The following KNSTRN variants were observed in gnomAD, a reference collection of about 807,000 sequenced individuals.
KNSTRN encodes the protein kinetochore localized astrin (SPAG5) binding protein.
KNSTRN carries 38 observed loss-of-function variants against 44.7 expected under a neutral mutation model. That is an observed-to-expected ratio of 0.85 (90% CI 0.66 to 1.11). The LOEUF is 1.11. Ranked by LOEUF, KNSTRN falls within the 50% of genes most tolerant of loss-of-function variation. KNSTRN has a pLI of 0.00. For missense variants in KNSTRN, 406 were observed against 375.8 expected (o/e 1.08, Z -0.66); for synonymous variants, 158 against 148.1 (o/e 1.07, Z -0.48).
At position 40,391,561 on chromosome 15, in the gene KNSTRN, G is replaced by T. The variant is rs772977508; in HGVS notation, c.747+7G>T. On this transcript the variant is annotated splice_region_variant and intron_variant, in intron 7 of 8. Transcript: ENST00000249776. ...TGATCACATGGACTCTATGGTGAGG[G>T]CATGGGTGTGAAAGGGCGCAAGGGC... 2 of 1,612,126 alleles carry T rather than the reference G, an allele frequency of 1.2e-6. No homozygotes were observed. Among genetic ancestry groups the T allele is most frequent in the Admixed American group, 3.3e-5 (2 of 60,014 alleles).
intron 3 of KNSTRN, 52 bp from the exon 4 acceptor site, chr15:40,387,107 A>G (rs1195405993): frequency 7.4e-7 from 1 of 1,345,738 alleles, no homozygotes; most frequent in Non-Finnish European, 1.1e-6. Flanking sequence ...TTCACAGCAC[A>G]CTTAACAGTA....
intron 7 of KNSTRN, 167 bp from the exon 8 acceptor site, chr15:40,391,782 A>G (rs1890001614): frequency 4.5e-6 from 3 of 671,758 alleles, no homozygotes; most frequent in Non-Finnish European, 7.7e-6. Flanking sequence ...AAAACACATA[A>G]TAGGTAAACC....
chr15:40,391,524 A>G lies in KNSTRN; in HGVS notation c.717A>G (p.Gln239=), dbSNP rs778824644. 8.1e-6 allele frequency: 13 copies of G among 1,613,972 alleles called. No individual in the cohort carries two copies. Among genetic ancestry groups the G allele is most frequent in the East Asian group, 2.2e-5 (1 of 44,894 alleles). Reference sequence around the variant, plus strand: ...GCAGTGAGACCCTGGCATCACGACAAGAATCCACTACTGATCACATGGACT... The same window carrying G: ...GCAGTGAGACCCTGGCATCACGACAGGAATCCACTACTGATCACATGGACT... ...ALGSETLASR[Q]ESTTDHMDSM... The change falls in exon 7 of 9, where the codon CAA becomes CAG. Residue 239 remains glutamine (Q), a synonymous_variant. Coordinates refer to ENST00000249776, the MANE Select transcript of KNSTRN (RefSeq NM_033286.4).
chr15:40,391,822 C>A, intron 7 of KNSTRN, 127 bp from the exon 8 acceptor site: 1 of 779,516 alleles, frequency 1.3e-6, no homozygotes, highest in Non-Finnish European at 2.1e-6. Context: ...TTCTTCTGTT[C>A]TATACTTTAT....
rs138550141 is a variant in KNSTRN at position 40,392,858 on chromosome 15, G to A, written c.823-611G>A. Among the ~76,000 whole-genome samples, 114 of 152,156 alleles carry A rather than the reference G, an allele frequency of 7.5e-4. 1 individual carries two copies. The Middle Eastern group carries it at 0.01, about 14-fold the overall frequency. On this transcript the variant is annotated intron_variant, in intron 8 of 8. Coordinates refer to ENST00000249776, the MANE Select transcript of KNSTRN (RefSeq NM_033286.4). ...ACTCCTGACCTCAGGTGATCTGCCC[G>A]CCTAGGCTTCCCAAAGTGCTGAGAT...
chr15:40,391,425 G>C (rs746568247), intron 6 of KNSTRN, 68 bp from the exon 7 acceptor site: 1 of 1,240,178 alleles, frequency 8.1e-7, no homozygotes, highest in Non-Finnish European at 1.2e-6. Flanking sequence ...GTCCACGGAG[G>C]GTTTTTATTT....
Position 40,387,176 on chromosome 15 carries a change from A to G in KNSTRN, c.455A>G (p.Asp152Gly). 6.2e-7 allele frequency: 1 copy of G among 1,613,596 alleles called. No individual in the cohort carries two copies. Residue 152 changes from aspartate to glycine, a missense_variant, in exon 4 of 9, where the codon GAC becomes GGC. Transcript: ENST00000249776. ...CCTCCTAGGCAAATGAAAGCTACTG[A>G]CACTGCCACCAGAAGGAATGTCAGA... ...RRENGQMKAT[D>G]TATRRNVRKG... is the part of the protein sequence containing the mutation.
intron 4 of KNSTRN, chr15:40,389,069 C>T: frequency 2.5e-6 from 1 of 396,892 alleles, no homozygotes; most frequent in Non-Finnish European, 5.0e-6. Flanking sequence ...GGTTATGCAA[C>T]TCACTGAAGG....
chr15:40,386,128 G>A (rs753857475), intron 2 of KNSTRN, among the ~76,000 whole-genome samples: 7 of 152,194 alleles, frequency 4.6e-5, no homozygotes, highest in Non-Finnish European at 7.3e-5. Context: ...TCGGGAGGCT[G>A]AGGCAGGAGA....
At chr15:40,389,652 G>A in intron 5 of KNSTRN, 41 bp downstream of exon 5, 3 of 1,475,512 alleles carry the variant, frequency 2.0e-6, no homozygotes, top group Non-Finnish European at 1.9e-6. Flanking sequence ...CTGCCACTGG[G>A]CGATCCACAT....
intron 2 of KNSTRN, 152 bp downstream of exon 2, chr15:40,383,474 T>C: frequency 1.6e-6 from 1 of 609,400 alleles, no homozygotes. Flanking sequence ...TGTAGGTTTA[T>C]GATGGGAGTT....
intron 4 of KNSTRN, 109 bp downstream of exon 4, chr15:40,387,315 G>A: frequency 1.1e-6 from 1 of 933,970 alleles, no homozygotes; most frequent in East Asian, 2.5e-5. Context: ...TTAGGGTCTG[G>A]GTTCCACCTC....
chr15:40,391,451 G>A (rs1566923686), intron 6 of KNSTRN, 42 bp from the exon 7 acceptor site: 1 of 1,503,644 alleles, frequency 6.7e-7, no homozygotes, highest in Non-Finnish European at 9.3e-7. Context: ...TGTTTAGGGT[G>A]TGTAGTTCCC....
intron 6 of KNSTRN, among the ~76,000 whole-genome samples, chr15:40,390,815 A>G (rs1889984886): frequency 6.6e-6 from 1 of 152,052 alleles, no homozygotes; most frequent in Non-Finnish European, 1.5e-5. Flanking sequence ...GGGTTTTGCC[A>G]TGTTGGTCAG....
At chr15:40,392,056 A>T in intron 8 of KNSTRN, 33 bp downstream of exon 8, 1 of 1,426,862 alleles carries the variant, frequency 7.0e-7, no homozygotes. Flanking sequence ...ACCATTTCCT[A>T]CCATGATAGG....
intron 6 of KNSTRN, among the ~76,000 whole-genome samples, chr15:40,390,476 G>T (rs945697381): frequency 6.6e-6 from 1 of 152,220 alleles, no homozygotes; most frequent in Non-Finnish European, 1.5e-5. Context: ...GCAGAAGAAG[G>T]AATTGCCCAA....
At chr15:40,383,388 T>C in intron 2 of KNSTRN, 66 bp downstream of exon 2, 2 of 1,282,710 alleles carry the variant, frequency 1.6e-6, no homozygotes, top group South Asian at 1.3e-5. Flanking sequence ...AGTGTGGAGA[T>C]CGAATGGGTG....
At chr15:40,393,177 G>C in intron 8 of KNSTRN, 1 of 1,613,478 alleles carries the variant, frequency 6.2e-7, no homozygotes. Flanking sequence ...AGATTCTTTG[G>C]TCTGGACTGT....
intron 4 of KNSTRN, among the ~76,000 whole-genome samples, chr15:40,388,152 A>G: frequency 6.6e-6 from 1 of 152,258 alleles, no homozygotes; most frequent in East Asian, 1.9e-4. Context: ...ACACACACAC[A>G]GAAATATAGA....
Sources: allele counts gnomAD v4.1 joint callset (sites outside exome capture counted in the v4.1 genomes callset), GRCh38; gene constraint gnomAD v4.1.1; transcripts MANE v1.5; gene names NCBI Gene and HGNC (gene_info 2026-07-23, HGNC 2026-07-21).